Variants in HMCN1 observed in about 807,000 individuals in gnomAD.
The protein encoded by HMCN1 is hemicentin 1, also known as hemicentin-1.
A neutral mutation model predicts 625.9 loss-of-function variants in HMCN1; 321 were observed. The ratio of observed to expected loss-of-function variants is 0.51; its 90% CI spans 0.47 to 0.56. HMCN1 has a LOEUF of 0.56. Among genes scored for constraint, HMCN1 ranks in the 20% least tolerant of loss-of-function variants. The probability of loss-of-function intolerance (pLI) is 0.00; values close to 1 mark genes in which losing one functional copy is unlikely to be tolerated. For missense variants in HMCN1, 6,588 were observed against 6,887.3 expected (o/e 0.96, Z 1.54); for synonymous variants, 2,425 against 2,417.6 (o/e 1.00, Z -0.09).
At chr1:185,825,142 T>A (rs753730210) in intron 1 of HMCN1, among the ~76,000 whole-genome samples, 1 of 152,136 alleles carries the variant, frequency 6.6e-6, no homozygotes, top group South Asian at 2.1e-4. Context: ...CTATGCTAGT[T>A]GTTTACACAG....
chr1:186,122,920 G>T, intron 80 of HMCN1, 31 bp from the exon 81 acceptor site: 1 of 1,608,772 alleles, frequency 6.2e-7, no homozygotes, highest in Non-Finnish European at 8.5e-7. Context: ...CTAAGATAAA[G>T]TTTGAACTTT....
At chr1:185,888,240 T>G (rs1417634152) in intron 4 of HMCN1, among the ~76,000 whole-genome samples, 1 of 112,676 alleles carries the variant, frequency 8.9e-6, no homozygotes, top group Non-Finnish European at 1.6e-5. Flanking sequence ...TGCGAAAATT[T>G]TCTCCCATTT....
intron 4 of HMCN1, among the ~76,000 whole-genome samples, chr1:185,907,840 A>AT (rs1666182610): frequency 1.3e-5 from 2 of 151,552 alleles, no homozygotes; most frequent in African/African-American, 2.4e-5. Context: ...TTTTACATAC[A>AT]TTTTTTCAAC....
intron 1 of HMCN1, among the ~76,000 whole-genome samples, chr1:185,809,046 C>T (rs1156912608): frequency 6.6e-6 from 1 of 152,102 alleles, no homozygotes; most frequent in Admixed American, 6.5e-5. Flanking sequence ...AATTATATTT[C>T]GACTTACCTA....
At chr1:186,063,498 GAA>G (rs1657909327) in intron 48 of HMCN1, among the ~76,000 whole-genome samples, 11 of 142,030 alleles carry the variant, frequency 7.7e-5, no homozygotes, top group Non-Finnish European at 1.7e-4. Flanking sequence ...AGGAAGGAAG[GAA>G]GGAAGGAAGG....
intron 6 of HMCN1, among the ~76,000 whole-genome samples, chr1:185,917,230 T>C (rs911013720): frequency 6.6e-6 from 1 of 152,140 alleles, no homozygotes; most frequent in African/African-American, 2.4e-5. Context: ...ACCTGACTTT[T>C]CCTAACTGAA....
At position 186,170,004 on chromosome 1, in the gene HMCN1, T is replaced by C. The variant is rs762526370; in HGVS notation, c.15575-1333T>C. ...AAAAAAAAAAACCATCAAAAAGTGG[T>C]CAAAGGATATGAACAGACACTTCTC... On this transcript the variant is annotated intron_variant, in intron 100 of 106. Coordinates refer to ENST00000271588, the MANE Select transcript of HMCN1 (RefSeq NM_031935.3). Among the ~76,000 whole-genome samples, 28 of 148,116 alleles carry C rather than the reference T, an allele frequency of 1.9e-4. No individual in the cohort carries two copies. In the Middle Eastern group the frequency reaches 0.011, roughly 56 times the overall value.
At chr1:186,145,076 A>G (rs1650228367) in intron 91 of HMCN1, among the ~76,000 whole-genome samples, 2 of 152,246 alleles carry the variant, frequency 1.3e-5, no homozygotes, top group Admixed American at 1.3e-4. Flanking sequence ...TGGAAATCTG[A>G]GTTACATTGT....
At chr1:185,922,353 C>T in intron 6 of HMCN1, 26 bp from the exon 7 acceptor site, 3 of 1,612,436 alleles carry the variant, frequency 1.9e-6, no homozygotes, top group Non-Finnish European at 2.5e-6. Context: ...CAACTGCTGA[C>T]CAGGTTTGTC....
chr1:185,976,857 C>T (rs978244604), intron 15 of HMCN1, among the ~76,000 whole-genome samples: 1 of 152,070 alleles, frequency 6.6e-6, no homozygotes, highest in South Asian at 2.1e-4. Flanking sequence ...TAGGGTACAC[C>T]TCTTAGAATC....
intron 36 of HMCN1, among the ~76,000 whole-genome samples, chr1:186,025,600 C>G (rs528870060): frequency 2.0e-5 from 3 of 152,160 alleles, no homozygotes; most frequent in African/African-American, 7.2e-5. Context: ...AGTATCCCAT[C>G]AAATAAAGAG....
rs150818526 is a variant in HMCN1 at position 186,103,491 on chromosome 1, A to G, written c.10593A>G (p.Gly3531=). 1.9e-5 allele frequency: 31 copies of G among 1,613,118 alleles called. No individual in the cohort carries two copies. The South Asian group carries it at 3.3e-4, about 17-fold the overall frequency. ...LKVLEPPHIN[G]SEEHEEISVI... ...AAATAGAACCACCTCACATTAATGG[A>G]TCTGAAGAACATGAAGAGATATCAG... The change falls in exon 69 of 107, where the codon GGA becomes GGG. Residue 3531 remains glycine (G), a synonymous_variant. Coordinates refer to ENST00000271588, the MANE Select transcript of HMCN1 (RefSeq NM_031935.3).
At chr1:186,125,829 C>A in intron 82 of HMCN1, 35 bp downstream of exon 82, 1 of 1,522,554 alleles carries the variant, frequency 6.6e-7, no homozygotes, top group Non-Finnish European at 9.1e-7. Flanking sequence ...TACATTAAGC[C>A]AGATTGTAAA....
chr1:185,998,326 T>G (rs1271994663), intron 25 of HMCN1, among the ~76,000 whole-genome samples: 8 of 152,194 alleles, frequency 5.3e-5, no homozygotes, highest in Admixed American at 5.2e-4. Flanking sequence ...CAGCGGCAAC[T>G]GAAGGCCCTC....
chr1:185,919,590 T>A (rs1220325772), intron 6 of HMCN1, among the ~76,000 whole-genome samples: 1 of 152,168 alleles, frequency 6.6e-6, no homozygotes, highest in Non-Finnish European at 1.5e-5. Flanking sequence ...GTCCCAGAAG[T>A]TCCATATAAC....
chr1:185,933,760 G>A lies in HMCN1; in HGVS notation c.1764G>A (p.Glu588=). The change falls in exon 11 of 107, where the codon GAG becomes GAA. Residue 588 remains glutamate, a synonymous_variant. Coordinates refer to ENST00000271588, the MANE Select transcript of HMCN1 (RefSeq NM_031935.3). ...LKSVKFNDAG[E]YHCMVSSEGG... The stretch of plus-strand genomic sequence containing the variant: ...GTGTGAAATTCAACGATGCTGGAGA[G>A]TATCATTGTATGGTTTCTAGTGAAG... The A allele has an allele frequency of 6.2e-7, 1 of 1,613,920 alleles. No individual in the cohort carries two copies. Among genetic ancestry groups the A allele is most frequent in the Non-Finnish European group, 8.5e-7 (1 of 1,179,806 alleles).
rs370819530 is a variant in HMCN1 at position 186,023,109 on chromosome 1, A to G, written c.5705A>G (p.Asn1902Ser). The G allele has an allele frequency of 1.4e-5, 23 of 1,613,232 alleles. No individual in the cohort carries two copies. Among genetic ancestry groups the G allele is most frequent in the Admixed American group, 3.3e-5 (2 of 59,974 alleles). The change falls in exon 36 of 107, where the codon AAC (asparagine) becomes AGC (serine). Residue 1902 changes from asparagine (N) to serine (S), a missense_variant. Transcript: ENST00000271588. ...GGCAGATACACATGTGTGGCTACCA[A>G]CGCAGCTGGAGAAACACAACAGCAC... The part of the protein sequence containing the change: ...DAGRYTCVAT[N>S]AAGETQQHIQ...
At chr1:185,876,835 C>A (rs1220705374) in intron 4 of HMCN1, among the ~76,000 whole-genome samples, 1 of 151,872 alleles carries the variant, frequency 6.6e-6, no homozygotes, top group Admixed American at 6.6e-5. Context: ...GTAAAATTTA[C>A]AAATATTTTC....
intron 105 of HMCN1, among the ~76,000 whole-genome samples, chr1:186,185,038 CACCT>C (rs1184370707): frequency 3.3e-5 from 5 of 152,052 alleles, no homozygotes; most frequent in African/African-American, 4.8e-5. Context: ...AGAAGAGGGC[CACCT>C]GCCCAGCACC....
Sources: allele counts gnomAD v4.1 joint callset (sites outside exome capture counted in the v4.1 genomes callset), GRCh38; gene constraint gnomAD v4.1.1; transcripts MANE v1.5; gene names NCBI Gene and HGNC (gene_info 2026-07-23, HGNC 2026-07-21).